Variants in CSMD3 observed in about 807,000 individuals in gnomAD.
CSMD3 encodes CUB and Sushi multiple domains 3, also known as CUB and sushi domain-containing protein 3.
Under a neutral mutation model 435.2 loss-of-function variants are expected in CSMD3, and 177 were observed. That is an observed-to-expected ratio of 0.41 (90% CI 0.36 to 0.46). The LOEUF is 0.46. CSMD3 is among the 20% of genes least tolerant of loss of function. CSMD3 has a pLI of 0.34. For missense variants in CSMD3, 4,265 were observed against 4,504.6 expected (o/e 0.95, Z 1.52); for synonymous variants, 1,656 against 1,520.5 (o/e 1.09, Z -2.07).
intron 1 of CSMD3, among the ~76,000 whole-genome samples, chr8:113,377,918 T>C (rs4461928): frequency 0.93 from 142,199 of 152,218 alleles, 66,534 homozygotes; most frequent in East Asian, 1. Context: ...CGCCTGAAAA[T>C]GGTGTGCTTG....
chr8:112,292,741 G>A (rs1410034290), intron 54 of CSMD3, 31 bp from the exon 55 acceptor site: 1 of 1,584,410 alleles, frequency 6.3e-7, no homozygotes, highest in South Asian at 1.1e-5. Flanking sequence ...GACAGGGAAG[G>A]AAACACAGAA....
intron 4 of CSMD3, among the ~76,000 whole-genome samples, chr8:113,128,838 T>C (rs1198476141): frequency 6.6e-6 from 1 of 152,082 alleles, no homozygotes; most frequent in Non-Finnish European, 1.5e-5. Flanking sequence ...TAGTGTGTGG[T>C]GCTAAGCGAA....
chr8:112,363,515 G>A (rs1180814293), intron 38 of CSMD3, among the ~76,000 whole-genome samples: 2 of 151,860 alleles, frequency 1.3e-5, no homozygotes, highest in Non-Finnish European at 2.9e-5. Flanking sequence ...TCTTCTATAT[G>A]CAGCTAAAAG....
chr8:112,777,167 A>C lies in CSMD3; in HGVS notation c.1972+22995T>G, dbSNP rs1165027064. Among the ~76,000 whole-genome samples the C allele has an allele frequency of 5.3e-5, 8 of 152,002 alleles. No individual in the cohort carries two copies. The East Asian group carries it at 1.5e-3, about 29-fold the overall frequency. On this transcript the variant is annotated intron_variant, in intron 13 of 70. Coordinates refer to ENST00000297405, the MANE Select transcript of CSMD3 (RefSeq NM_198123.2). ...CACAATATATTTACAAATACGTGTTATTGATAAAATTCAGCAAACTTTCCA... is the reference window on the plus strand; with the variant it reads ...CACAATATATTTACAAATACGTGTTCTTGATAAAATTCAGCAAACTTTCCA...
chr8:113,067,478 A>G (rs2088910661), intron 5 of CSMD3, among the ~76,000 whole-genome samples: 1 of 152,122 alleles, frequency 6.6e-6, no homozygotes, highest in Non-Finnish European at 1.5e-5. Flanking sequence ...AAGTTCTAAA[A>G]TTTATATAGT....
chr8:113,240,873 A>G (rs2093207038), intron 3 of CSMD3, among the ~76,000 whole-genome samples: 1 of 152,154 alleles, frequency 6.6e-6, no homozygotes, highest in South Asian at 2.1e-4. Context: ...TTTATTTGGG[A>G]TTAGTTTCTC....
chr8:112,861,952 T>A (rs1011748852), intron 10 of CSMD3, among the ~76,000 whole-genome samples: 1 of 151,978 alleles, frequency 6.6e-6, no homozygotes, highest in Non-Finnish European at 1.5e-5. Context: ...ATGGCTTTCA[T>A]GATGTAGGTA....
At chr8:112,521,400 C>G (rs1267929893) in intron 27 of CSMD3, among the ~76,000 whole-genome samples, 1 of 151,920 alleles carries the variant, frequency 6.6e-6, no homozygotes, top group Admixed American at 6.6e-5. Flanking sequence ...TTTATTAAAG[C>G]TGACTATTCC....
At chr8:112,249,157 T>G (rs973581086) in intron 63 of CSMD3, among the ~76,000 whole-genome samples, 1 of 152,136 alleles carries the variant, frequency 6.6e-6, no homozygotes, top group African/African-American at 2.4e-5. Context: ...AGAACCCAGT[T>G]AATAGTGTCA....
At chr8:112,856,410 A>T (rs947119574) in intron 11 of CSMD3, among the ~76,000 whole-genome samples, 4 of 151,938 alleles carry the variant, frequency 2.6e-5, no homozygotes, top group Non-Finnish European at 5.9e-5. Flanking sequence ...GAAGAAAATT[A>T]TATGTAATGA....
At chr8:112,680,147 G>T (rs1325275544) in intron 16 of CSMD3, among the ~76,000 whole-genome samples, 1 of 152,180 alleles carries the variant, frequency 6.6e-6, no homozygotes, top group African/African-American at 2.4e-5. Context: ...CTGAGGTCAG[G>T]AGTTCAAGAC....
intron 27 of CSMD3, among the ~76,000 whole-genome samples, chr8:112,537,157 C>G (rs1285784627): frequency 6.6e-6 from 1 of 151,462 alleles, no homozygotes; most frequent in Non-Finnish European, 1.5e-5. Flanking sequence ...TACCCTAAAA[C>G]TTAAAGTATA....
At chr8:112,745,017 G>A (rs1563918813) in intron 13 of CSMD3, among the ~76,000 whole-genome samples, 1 of 152,088 alleles carries the variant, frequency 6.6e-6, no homozygotes, top group Non-Finnish European at 1.5e-5. Context: ...GGGACAAACG[G>A]GGGTGTGCAC....
intron 3 of CSMD3, among the ~76,000 whole-genome samples, chr8:113,259,370 C>A (rs926859407): frequency 6.6e-6 from 1 of 152,232 alleles, no homozygotes; most frequent in East Asian, 1.9e-4. Flanking sequence ...AGTGGATTAG[C>A]CTCAGGCAGA....
intron 5 of CSMD3, among the ~76,000 whole-genome samples, chr8:113,067,464 T>C (rs2088910282): frequency 6.6e-6 from 1 of 152,130 alleles, no homozygotes; most frequent in African/African-American, 2.4e-5. Flanking sequence ...CCTTAAGCTT[T>C]GTGAAGTTCT....
rs549751113 is a variant in CSMD3 at position 113,253,454 on chromosome 8, T to C, written c.514+25138A>G. 3.9e-5 allele frequency among the ~76,000 whole-genome samples: 6 copies of C among 152,144 alleles called. No homozygotes were observed. The South Asian group carries it at 1.0e-3, about 26-fold the overall frequency. On this transcript the variant is annotated intron_variant, in intron 3 of 70. Transcript: ENST00000297405. ...CCAAATGTTCTCATTACAAATTGAC[T>C]TTTTAAATTTAAAACTGTTTTTTTT...
At chr8:112,411,122 C>CT (rs144741058) in intron 32 of CSMD3, among the ~76,000 whole-genome samples, 3,157 of 136,354 alleles carry the variant, frequency 0.023, 78 homozygotes, top group African/African-American at 0.064. Context: ...AAAAATTCAT[C>CT]TTTTTTTTTT....
intron 13 of CSMD3, among the ~76,000 whole-genome samples, chr8:112,786,491 G>T (rs574957122): frequency 9.2e-5 from 14 of 151,870 alleles, no homozygotes; most frequent in African/African-American, 3.4e-4. Context: ...ACACAAAATG[G>T]GAGAAAATAT....
chr8:113,436,678 T>G lies in CSMD3; in HGVS notation c.177A>C (p.Lys59Asn). 1 of 1,614,078 alleles carries G rather than the reference T, an allele frequency of 6.2e-7. No individual in the cohort carries two copies. Among genetic ancestry groups the G allele is most frequent in the Non-Finnish European group, 8.5e-7 (1 of 1,180,000 alleles). Reference protein sequence around the residue: ...LVFLLTVSCVKGFIYTCGGTL... With the variant: ...LVFLLTVSCVNGFIYTCGGTL... ...AGGGGACCCCCAAAGCAGACCTACC[T>G]TTCACACAAGACACCGTCAATAAAA... Residue 59 changes from lysine (K) to asparagine (N), a missense_variant and splice_region_variant, in exon 1 of 71, where the codon AAA (lysine) becomes AAC (asparagine). By Grantham distance (94) the Lys-to-Asn change is moderately conservative (BLOSUM62 0). This residue lies in a region of CSMD3 where 731 missense variants were observed against 755.4 expected (regional missense o/e 0.97). Coordinates refer to ENST00000297405, the MANE Select transcript of CSMD3 (RefSeq NM_198123.2).
Sources: gnomAD v4.1 joint callset for allele counts (sites outside exome capture counted in the v4.1 genomes callset) on GRCh38, gnomAD v4.1.1 for gene constraint, gnomAD v4.1.1 regional missense constraint, MANE v1.5 for transcripts, NCBI Gene and HGNC (gene_info 2026-07-23, HGNC 2026-07-21) for gene names.